TBC1D31: variants seen among roughly 807,000 people sequenced by gnomAD.
TBC1D31 encodes the protein TBC1 domain family member 31.
Under a neutral mutation model 132.9 loss-of-function variants are expected in TBC1D31, and 99 were observed. The ratio of observed to expected loss-of-function variants is 0.74; its 90% CI spans 0.63 to 0.88. The LOEUF (loss-of-function observed/expected upper bound fraction) is 0.88, where lower values mean the gene tolerates loss of function less well. Among genes scored for constraint, TBC1D31 ranks in the 40% least tolerant of loss-of-function variants. TBC1D31 has a pLI of 0.00. For synonymous variants in TBC1D31, 385 were observed against 419.4 expected, an observed-to-expected ratio of 0.92 and a Z score of 1.00; for missense variants, 1,134 against 1,256.6, an observed-to-expected ratio of 0.90 and a Z score of 1.48.
At chr8:123,130,462 T>C in intron 16 of TBC1D31, 129 bp downstream of exon 16, 1 of 813,518 alleles carries the variant, frequency 1.2e-6, no homozygotes, top group Middle Eastern at 3.6e-4. Flanking sequence ...TTTAATTTTA[T>C]TTACTTTTCC....
chr8:123,116,054 TA>T (rs1048260102), intron 10 of TBC1D31, among the ~76,000 whole-genome samples: 1 of 152,274 alleles, frequency 6.6e-6, no homozygotes, highest in African/African-American at 2.4e-5. Context: ...GAATTAGCCT[TA>T]AAAATATTAA....
chr8:123,106,054 A>G (rs2130474377), intron 8 of TBC1D31, among the ~76,000 whole-genome samples: 1 of 152,304 alleles, frequency 6.6e-6, no homozygotes, highest in East Asian at 1.9e-4. Context: ...GCAGTATTTG[A>G]GAGTTCTAGT....
chr8:123,104,489 T>C (rs1424524554), intron 7 of TBC1D31, among the ~76,000 whole-genome samples: 1 of 152,216 alleles, frequency 6.6e-6, no homozygotes, highest in Non-Finnish European at 1.5e-5. Context: ...CATAGATGAA[T>C]TGAAGAATTG....
At chr8:123,141,843 T>C (rs1222967012) in intron 18 of TBC1D31, among the ~76,000 whole-genome samples, 1 of 123,492 alleles carries the variant, frequency 8.1e-6, no homozygotes, top group Non-Finnish European at 1.7e-5. Context: ...CTTGAAGAGC[T>C]CTTTTTTTTT....
At chr8:123,141,044 A>C in intron 18 of TBC1D31, 143 bp downstream of exon 18, 199 of 729,078 alleles carry the variant, frequency 2.7e-4, no homozygotes, top group Non-Finnish European at 4.1e-4. Flanking sequence ...CTAGAATCTC[A>C]CATTGCTTCC....
At chr8:123,106,241 G>A (rs899252473) in intron 8 of TBC1D31, among the ~76,000 whole-genome samples, 15 of 152,134 alleles carry the variant, frequency 9.9e-5, no homozygotes, top group South Asian at 2.1e-4. Flanking sequence ...ATTGCACACC[G>A]TTCTGAGTAG....
At chr8:123,092,644 A>G (rs979144403) in intron 4 of TBC1D31, among the ~76,000 whole-genome samples, 1 of 151,854 alleles carries the variant, frequency 6.6e-6, no homozygotes, top group African/African-American at 2.4e-5. Flanking sequence ...CATTTTGTCT[A>G]TGCATGTATG....
At chr8:123,141,309 A>G (rs1382791659) in intron 18 of TBC1D31, among the ~76,000 whole-genome samples, 2 of 152,362 alleles carry the variant, frequency 1.3e-5, no homozygotes, top group Admixed American at 6.5e-5. Context: ...AGGTCCCTGC[A>G]TGGTATGTAA....
chr8:123,113,062 AT>A (rs1818598338), intron 10 of TBC1D31, among the ~76,000 whole-genome samples: 1 of 152,222 alleles, frequency 6.6e-6, no homozygotes, highest in Non-Finnish European at 1.5e-5. Context: ...TACTTCAAAA[AT>A]GATGATTTTG....
intron 7 of TBC1D31, among the ~76,000 whole-genome samples, chr8:123,101,742 T>G (rs1375841647): frequency 6.6e-6 from 1 of 152,130 alleles, no homozygotes; most frequent in Non-Finnish European, 1.5e-5. Flanking sequence ...TATCTGTAAA[T>G]GTGCTGTCTG....
At chr8:123,164,867 G>A in the TBC1D31 span, among the ~76,000 whole-genome samples, 1 of 152,142 alleles carries the variant, frequency 6.6e-6, no homozygotes, top group African/African-American at 2.4e-5. Flanking sequence ...TAAACACTTG[G>A]GTTTTAGGTA....
chr8:123,086,727 T>G (rs1426413328), intron 4 of TBC1D31, among the ~76,000 whole-genome samples: 1 of 151,658 alleles, frequency 6.6e-6, no homozygotes, highest in Non-Finnish European at 1.5e-5. Context: ...TCTTTTTTTT[T>G]TTTTTCCTTT....
chr8:123,142,885 C>A lies in TBC1D31; in HGVS notation c.2835+429C>A, dbSNP rs529453331. On this transcript the variant is annotated intron_variant, in intron 19 of 21. Transcript: ENST00000287380. ...TAATTTAGCTAATTCTTTATACTTACAATGTAAAAGATGCTGAATAGGTAG... is the reference window on the plus strand; with the variant it reads ...TAATTTAGCTAATTCTTTATACTTAAAATGTAAAAGATGCTGAATAGGTAG... Among the ~76,000 whole-genome samples, 9 of 152,192 alleles carry A rather than the reference C, an allele frequency of 5.9e-5. No individual in the cohort carries two copies. In the South Asian group the frequency reaches 1.9e-3, roughly 32 times the overall value.
Position 123,109,401 on chromosome 8 carries a change from A to ATTGTTGG in TBC1D31, c.1289+5_1289+6insTTGTTGG. The ATTGTTGG allele has an allele frequency of 6.2e-7, 1 of 1,608,996 alleles. No homozygotes were observed. On this transcript the variant is annotated splice_donor_region_variant and intron_variant, in intron 9 of 21. Transcript: ENST00000287380. The stretch of plus-strand genomic sequence containing the variant: ...TGAATATCCAACAAAATACAGGTAC[A>ATTGTTGG]ATTTAAATTCTGTATGTTACATCAG...
intron 16 of TBC1D31, among the ~76,000 whole-genome samples, chr8:123,133,005 C>T (rs556972375): frequency 3.9e-5 from 6 of 152,252 alleles, no homozygotes; most frequent in African/African-American, 1.2e-4. Context: ...ATCTGGCCTC[C>T]GCCTACCCTT....
chr8:123,106,896 A>G (rs1817981216), intron 8 of TBC1D31, among the ~76,000 whole-genome samples: 1 of 152,204 alleles, frequency 6.6e-6, no homozygotes, highest in Non-Finnish European at 1.5e-5. Flanking sequence ...AGAAGAAACC[A>G]GGCACAAGCT....
chr8:123,111,035 T>TC (rs1291387924), intron 10 of TBC1D31, among the ~76,000 whole-genome samples: 2 of 152,200 alleles, frequency 1.3e-5, no homozygotes, highest in Non-Finnish European at 2.9e-5. Flanking sequence ...TGTTTCTCTA[T>TC]CTCCTGAATT....
chr8:123,164,071 C>T, the TBC1D31 span, among the ~76,000 whole-genome samples: 1 of 152,160 alleles, frequency 6.6e-6, no homozygotes, highest in South Asian at 2.1e-4. Flanking sequence ...CTTTTTGTGT[C>T]TGACTTGTTT....
At chr8:123,096,122 C>A (rs965458891) in intron 5 of TBC1D31, among the ~76,000 whole-genome samples, 4 of 152,186 alleles carry the variant, frequency 2.6e-5, no homozygotes, top group Non-Finnish European at 5.9e-5. Flanking sequence ...CTCTACACAG[C>A]AGATAAAGTG....
Sources: allele counts gnomAD v4.1 joint callset (sites outside exome capture counted in the v4.1 genomes callset), GRCh38; gene constraint gnomAD v4.1.1; transcripts MANE v1.5; gene names NCBI Gene and HGNC (gene_info 2026-07-23, HGNC 2026-07-21).